Variants in UQCC1 observed in about 807,000 individuals in gnomAD.
UQCC1 encodes ubiquinol-cytochrome c reductase complex assembly factor 1, also known as bFGF-repressed Zic-binding protein.
A neutral mutation model predicts 48.0 loss-of-function variants in UQCC1; 38 were observed. The ratio of observed to expected loss-of-function variants is 0.79; its 90% CI spans 0.61 to 1.04. The LOEUF is 1.04. UQCC1 is among the 50% of genes least tolerant of loss of function. The pLI is 0.00. For synonymous variants in UQCC1, 111 were observed against 129.2 expected (o/e 0.86, Z 0.95); for missense variants, 368 against 381.8 (o/e 0.96, Z 0.30).
At chr20:35,363,045 AAAAG>A (rs1234958026) in intron 6 of UQCC1, among the ~76,000 whole-genome samples, 3 of 151,248 alleles carry the variant, frequency 2.0e-5, no homozygotes, top group Non-Finnish European at 2.9e-5. Context: ...AAAAAAAAAA[AAAAG>A]AAAGAAAGAA....
rs1255888649 is a variant in UQCC1 at position 35,365,929 on chromosome 20, A to G, written c.464+628T>C. On this transcript the variant is annotated intron_variant, in intron 6 of 9. Transcript: ENST00000374385. ...AGAATTTACTTTCCCAAGATCTGGC[A>G]GTTCAATAAATACATTCCCCAGCCC... Among the ~76,000 whole-genome samples, 3 of 152,194 alleles carry G rather than the reference A, an allele frequency of 2.0e-5. No homozygotes were observed. In the East Asian group the frequency reaches 5.8e-4, roughly 29 times the overall value.
At chr20:35,359,203 GAT>G (rs1383029842) in intron 6 of UQCC1, among the ~76,000 whole-genome samples, 1 of 152,152 alleles carries the variant, frequency 6.6e-6, no homozygotes, top group Non-Finnish European at 1.5e-5. Context: ...GTCACTGTAA[GAT>G]GCATTTACAT....
intron 9 of UQCC1, 76 bp downstream of exon 9, chr20:35,306,590 C>T: frequency 8.7e-7 from 1 of 1,149,144 alleles, no homozygotes; most frequent in Non-Finnish European, 1.3e-6. Flanking sequence ...AACTCCACCT[C>T]TCATGATCCC....
intron 8 of UQCC1, among the ~76,000 whole-genome samples, chr20:35,310,738 G>GC (rs1368795746): frequency 2.1e-5 from 3 of 142,060 alleles, no homozygotes; most frequent in Non-Finnish European, 4.5e-5. Flanking sequence ...TGTCACCCAG[G>GC]CTGGAGTGCA....
At chr20:35,388,204 A>C (rs925429629) in intron 2 of UQCC1, among the ~76,000 whole-genome samples, 6 of 151,382 alleles carry the variant, frequency 4.0e-5, no homozygotes, top group Non-Finnish European at 5.9e-5. Context: ...CTGGTCTCAA[A>C]CTCCTGACCT....
chr20:35,338,856 GA>G (rs1172467457), intron 7 of UQCC1, among the ~76,000 whole-genome samples: 369 of 25,948 alleles, frequency 0.014, no homozygotes, highest in Admixed American at 0.019. Context: ...CGTCTCAAAA[GA>G]AAAAAAAAAA....
At chr20:35,304,876 C>T (rs6058225) in intron 9 of UQCC1, among the ~76,000 whole-genome samples, 3 of 152,340 alleles carry the variant, frequency 2.0e-5, no homozygotes, top group East Asian at 3.9e-4. Flanking sequence ...GCCTCTCGCA[C>T]GTGTCTTGGC....
chr20:35,362,389 G>A (rs530256949), intron 6 of UQCC1, among the ~76,000 whole-genome samples: 9 of 152,208 alleles, frequency 5.9e-5, no homozygotes, highest in African/African-American at 1.9e-4. Flanking sequence ...ATGAAGTCTC[G>A]CTCTGTCGTC....
intron 9 of UQCC1, chr20:35,306,428 G>A (rs2060928987): frequency 2.0e-6 from 1 of 491,882 alleles, no homozygotes; most frequent in Non-Finnish European, 3.7e-6. Flanking sequence ...CAAAGTTCCT[G>A]AGGGCAGGAG....
intron 6 of UQCC1, among the ~76,000 whole-genome samples, chr20:35,359,842 C>A (rs1242287290): frequency 1.3e-5 from 2 of 152,154 alleles, no homozygotes; most frequent in African/African-American, 4.8e-5. Flanking sequence ...GATCTGTAAG[C>A]TGGCACACTG....
At chr20:35,338,892 A>AAAAAAAATATATATATATATATAT (rs1555805500) in intron 7 of UQCC1, among the ~76,000 whole-genome samples, 1 of 30,576 alleles carries the variant, frequency 3.3e-5, no homozygotes, top group Non-Finnish European at 4.8e-5. Context: ...AAAAAAAAAA[A>AAAAAAAATATATATATATATATAT]ATATATATAT....
At chr20:35,407,257 CT>C (rs1343719137) in intron 1 of UQCC1, among the ~76,000 whole-genome samples, 39 of 151,102 alleles carry the variant, frequency 2.6e-4, no homozygotes, top group African/African-American at 9.0e-4. Context: ...GGAAAACCCC[CT>C]CTCTATTAAA....
Position 35,352,699 on chromosome 20 carries a change from CAG to C in UQCC1, c.465-5429_465-5428del, listed in dbSNP as rs758350186. ...GTCACAGTTTGGTTTTTGTTTTTTT[CAG>C]AGACAGGTTCTCACTTTGTCACCCA... On this transcript the variant is annotated intron_variant, in intron 6 of 9. Transcript: ENST00000374385. Among the ~76,000 whole-genome samples the C allele has an allele frequency of 4.7e-3, 717 of 151,888 alleles. 2 individuals are homozygous for C. The highest frequency in any genetic ancestry group is 0.014 in the Middle Eastern group (4 of 294).
chr20:35,405,938 A>T, intron 1 of UQCC1, among the ~76,000 whole-genome samples: 1 of 152,252 alleles, frequency 6.6e-6, no homozygotes, highest in East Asian at 1.9e-4. Flanking sequence ...TGAAAAACTC[A>T]TTAGAGGGAC....
chr20:35,313,756 A>C (rs2061022343), intron 8 of UQCC1, among the ~76,000 whole-genome samples: 1 of 151,868 alleles, frequency 6.6e-6, no homozygotes. Context: ...AGCAGGTGGG[A>C]TTACAGGCAC....
chr20:35,378,753 A>T (rs1448894673), intron 4 of UQCC1, among the ~76,000 whole-genome samples: 1 of 152,234 alleles, frequency 6.6e-6, no homozygotes, highest in African/African-American at 2.4e-5. Context: ...TTCAAACAAG[A>T]CCAATGACCT....
Position 35,410,704 on chromosome 20 carries a change from C to CA in UQCC1, c.24+1235dup, listed in dbSNP as rs1183843739. Among the ~76,000 whole-genome samples, 26 of 2,710 alleles carry CA rather than the reference C, an allele frequency of 9.6e-3. 6 individuals are homozygous for CA. The highest frequency in any genetic ancestry group is 0.015 in the African/African-American group (12 of 784). 1.8% of individuals were successfully genotyped at this position (2,710 alleles called of 152,430 possible). ...TCGGCGACAGAGCAAGACTCTGCCT[C>CA]AAAAAAAAAAAAAAAAAAAACAAAA... is the stretch of plus-strand genomic sequence containing the variant. On this transcript the variant is annotated intron_variant, in intron 1 of 9. Transcript: ENST00000374385.
At chr20:35,305,341 A>G (rs2060916702) in intron 9 of UQCC1, among the ~76,000 whole-genome samples, 1 of 152,184 alleles carries the variant, frequency 6.6e-6, no homozygotes, top group Non-Finnish European at 1.5e-5. Flanking sequence ...CTGGGGCCAC[A>G]TGGGACCTCT....
Position 35,312,597 on chromosome 20 carries a change from G to A in UQCC1, c.651+2091C>T, listed in dbSNP as rs946052981. 2.6e-5 allele frequency among the ~76,000 whole-genome samples: 4 copies of A among 152,286 alleles called. No homozygotes were observed. The East Asian group carries it at 7.7e-4, about 29-fold the overall frequency. ...CTGAGTCACAGGAAGTTCAGGAACCGCTTCCCAGGAGGGGTCATGCTTGCA... is the reference window on the plus strand; with the variant it reads ...CTGAGTCACAGGAAGTTCAGGAACCACTTCCCAGGAGGGGTCATGCTTGCA... On this transcript the variant is annotated intron_variant, in intron 8 of 9. Coordinates refer to ENST00000374385, the MANE Select transcript of UQCC1 (RefSeq NM_018244.5).
Sources: allele counts gnomAD v4.1 joint callset (sites outside exome capture counted in the v4.1 genomes callset), GRCh38; gene constraint gnomAD v4.1.1; transcripts MANE v1.5; gene names NCBI Gene and HGNC (gene_info 2026-07-23, HGNC 2026-07-21).